The following DPYSL3 variants were observed in gnomAD, a reference collection of about 807,000 sequenced individuals.
DPYSL3 encodes the protein dihydropyrimidinase-related protein 3.
DPYSL3 carries 16 observed loss-of-function variants against 66.1 expected under a neutral mutation model. The ratio of observed to expected loss-of-function variants is 0.24; its 90% CI spans 0.16 to 0.37. The LOEUF is 0.37. Among genes scored for constraint, DPYSL3 ranks in the 10% least tolerant of loss-of-function variants. The pLI, the probability that DPYSL3 is intolerant of heterozygous loss-of-function variation, is 1.00. For missense variants in DPYSL3, 738 were observed against 916.2 expected (o/e 0.81, Z 2.51); for synonymous variants, 338 against 345.1 (o/e 0.98, Z 0.23).
At chr5:147,480,520 T>G (rs534277197) in intron 1 of DPYSL3, among the ~76,000 whole-genome samples, 53 of 152,254 alleles carry the variant, frequency 3.5e-4, no homozygotes, top group African/African-American at 1.3e-3. Flanking sequence ...TAGACTGATA[T>G]GGCTATGTTA....
intron 6 of DPYSL3, among the ~76,000 whole-genome samples, chr5:147,410,425 T>C (rs1581178443): frequency 6.6e-6 from 1 of 152,284 alleles, no homozygotes; most frequent in African/African-American, 2.4e-5. Flanking sequence ...GATGTCCCTA[T>C]AGCTGAGAGA....
intron 1 of DPYSL3, among the ~76,000 whole-genome samples, chr5:147,490,179 T>A (rs1229258187): frequency 6.6e-6 from 1 of 152,108 alleles, no homozygotes; most frequent in Non-Finnish European, 1.5e-5. Flanking sequence ...TCTCCTGATT[T>A]TGCACACCCC....
At chr5:147,487,182 G>A (rs903034200) in intron 1 of DPYSL3, among the ~76,000 whole-genome samples, 3 of 151,874 alleles carry the variant, frequency 2.0e-5, no homozygotes, top group Admixed American at 2.0e-4. Context: ...TCCTGTATTT[G>A]TTTCTTTCCC....
At chr5:147,420,630 G>C (rs962631214) in intron 2 of DPYSL3, among the ~76,000 whole-genome samples, 4 of 152,192 alleles carry the variant, frequency 2.6e-5, no homozygotes, top group African/African-American at 9.7e-5. Flanking sequence ...AAACAACTAT[G>C]TGATAGTTAG....
Position 147,395,616 on chromosome 5 carries a change from G to C in DPYSL3, c.1909C>G (p.Pro637Ala). Reference sequence around the variant, plus strand: ...CTCACAGGTGGGTTCGGCCGAGTAGGAGAGCCCCGAGCAGAGCCTGCGGGG... The same window carrying C: ...CTCACAGGTGGGTTCGGCCGAGTAGCAGAGCCCCGAGCAGAGCCTGCGGGG... ...GTPAGSARGS[P>A]TRPNPPVRNL... The change falls in exon 13 of 14, where the codon CCT (proline) becomes GCT (alanine). Residue 637 changes from proline (P) to alanine (A), a missense_variant. Coordinates refer to ENST00000343218, the MANE Select transcript of DPYSL3 (RefSeq NM_001197294.2). The C allele has an allele frequency of 6.2e-7, 1 of 1,614,082 alleles. No homozygotes were observed. Among genetic ancestry groups the C allele is most frequent in the Admixed American group, 1.7e-5 (1 of 60,014 alleles).
intron 2 of DPYSL3, among the ~76,000 whole-genome samples, chr5:147,421,678 C>A (rs1337433419): frequency 6.6e-6 from 1 of 152,138 alleles, no homozygotes; most frequent in Non-Finnish European, 1.5e-5. Context: ...ACCAATGGAA[C>A]AGAGCAGAGG....
In DPYSL3 at chr5:147,393,519, C is replaced by T. The variant is rs1404686292; in HGVS notation, c.*516G>A. The T allele has an allele frequency of 6.5e-6, 1 of 153,654 alleles. No homozygotes were observed. Among genetic ancestry groups the T allele is most frequent in the Non-Finnish European group, 1.5e-5 (1 of 68,734 alleles). The allele number at this position is 153,654 out of a possible 1,614,324, so 9.5% of individuals were successfully genotyped here. A position where few individuals can be genotyped will look rare whatever the true frequency, so the allele number is the denominator to read the frequency against. On this transcript the variant is annotated 3_prime_UTR_variant, in exon 14 of 14. Coordinates refer to ENST00000343218, the MANE Select transcript of DPYSL3 (RefSeq NM_001197294.2). The stretch of plus-strand genomic sequence containing the variant: ...GACAGCTGCCACAGCGGCTATCTTC[C>T]ATGGAAATAACGTACGTCATCAACA...
chr5:147,463,154 C>T lies in DPYSL3; in HGVS notation c.382-38191G>A, dbSNP rs138668502. Among the ~76,000 whole-genome samples, 158 of 152,254 alleles carry T rather than the reference C, an allele frequency of 1.0e-3. 1 individual carries two copies. The highest frequency in any genetic ancestry group is 3.5e-3 in the African/African-American group (146 of 41,520). On this transcript the variant is annotated intron_variant, in intron 1 of 13. Transcript: ENST00000343218. ...TCATCCACTACTTTTGCTCCAGCAC[C>T]TTTCTGTTAGCACACACCTGTGGCC... is the stretch of plus-strand genomic sequence containing the variant.
chr5:147,398,072 C>T (rs533572188), intron 11 of DPYSL3, among the ~76,000 whole-genome samples: 2 of 152,098 alleles, frequency 1.3e-5, no homozygotes, highest in Non-Finnish European at 2.9e-5. Context: ...TAATAAGGTC[C>T]TCAAGTGGAA....
At chr5:147,490,949 G>GA (rs1157021424) in intron 1 of DPYSL3, among the ~76,000 whole-genome samples, 7 of 152,160 alleles carry the variant, frequency 4.6e-5, no homozygotes, top group Non-Finnish European at 1.0e-4. Flanking sequence ...CAATACTGGA[G>GA]AAAAATTCCC....
rs548791594 is a variant in DPYSL3 at position 147,398,698 on chromosome 5, G to A, written c.1623+384C>T. On this transcript the variant is annotated intron_variant, in intron 11 of 13. Coordinates refer to ENST00000343218, the MANE Select transcript of DPYSL3 (RefSeq NM_001197294.2). ...GGATCATTGCACGCCCTGACTTCCG[G>A]AAGTTAGGTATAGCCACAGGACTGG... Among the ~76,000 whole-genome samples the A allele has an allele frequency of 3.3e-5, 5 of 152,234 alleles. No individual in the cohort carries two copies. In the South Asian group the frequency reaches 8.3e-4, roughly 25 times the overall value.
Position 147,395,620 on chromosome 5 carries a change from G to A in DPYSL3, c.1905C>T (p.Gly635=). ...KGGTPAGSAR[G]SPTRPNPPVR... Reference sequence around the variant, plus strand: ...CAGGTGGGTTCGGCCGAGTAGGAGAGCCCCGAGCAGAGCCTGCGGGGGTGC... The same window carrying A: ...CAGGTGGGTTCGGCCGAGTAGGAGAACCCCGAGCAGAGCCTGCGGGGGTGC... The change falls in exon 13 of 14, where the codon GGC becomes GGT. Residue 635 remains glycine, a synonymous_variant. Transcript: ENST00000343218. 1.2e-6 allele frequency: 2 copies of A among 1,614,086 alleles called. No individual in the cohort carries two copies. Among genetic ancestry groups the A allele is most frequent in the Non-Finnish European group, 1.7e-6 (2 of 1,180,032 alleles).
At position 147,418,715 on chromosome 5, in the gene DPYSL3, G is replaced by A. The variant is rs1752022899; in HGVS notation, c.471-84C>T. ...TCCAAGACAAATATAGTGGTATAAG[G>A]ATTTTAAACAGTGTTACTTGTATTT... On this transcript the variant is annotated intron_variant, in intron 2 of 13. Transcript: ENST00000343218. 9 of 1,233,612 alleles carry A rather than the reference G, an allele frequency of 7.3e-6. No homozygotes were observed. The South Asian group carries it at 1.2e-4, about 16-fold the overall frequency. The allele number at this position is 1,233,612 out of a possible 1,614,324, so 76.4% of individuals were successfully genotyped here.
At chr5:147,467,607 A>C (rs1753029564) in intron 1 of DPYSL3, among the ~76,000 whole-genome samples, 1 of 152,206 alleles carries the variant, frequency 6.6e-6, no homozygotes, top group Non-Finnish European at 1.5e-5. Context: ...ACAAGTAACC[A>C]AGTCTTCTTT....
chr5:147,423,491 T>C (rs1452216531), intron 2 of DPYSL3, among the ~76,000 whole-genome samples: 2 of 152,204 alleles, frequency 1.3e-5, no homozygotes, highest in African/African-American at 2.4e-5. Context: ...AGAGAAAGCA[T>C]GCAAAACATT....
intron 1 of DPYSL3, among the ~76,000 whole-genome samples, chr5:147,425,805 T>C (rs1052921594): frequency 7.2e-5 from 11 of 152,206 alleles, no homozygotes; most frequent in Non-Finnish European, 1.6e-4. Context: ...CAAATCAGTG[T>C]CAACCTGACA....
At chr5:147,459,833 G>A (rs570274966) in intron 1 of DPYSL3, among the ~76,000 whole-genome samples, 2 of 152,206 alleles carry the variant, frequency 1.3e-5, no homozygotes, top group African/African-American at 2.4e-5. Context: ...GCGAGAGGCC[G>A]GGTGCTGTGG....
intron 1 of DPYSL3, among the ~76,000 whole-genome samples, chr5:147,452,926 CAT>C (rs1310711308): frequency 1.6e-4 from 19 of 117,350 alleles, no homozygotes; most frequent in East Asian, 1.0e-3. Flanking sequence ...CACACACACA[CAT>C]AAAGTTGATC....
chr5:147,474,507 T>G (rs1204808680), intron 1 of DPYSL3, among the ~76,000 whole-genome samples: 1 of 152,102 alleles, frequency 6.6e-6, no homozygotes, highest in Non-Finnish European at 1.5e-5. Flanking sequence ...GACAAGCTAA[T>G]TAGTGAATGG....
Sources: gnomAD v4.1 joint callset for allele counts (sites outside exome capture counted in the v4.1 genomes callset) on GRCh38, gnomAD v4.1.1 for gene constraint, MANE v1.5 for transcripts, NCBI Gene and HGNC (gene_info 2026-07-23, HGNC 2026-07-21) for gene names.